FCRL3: variants seen among roughly 807,000 people sequenced by gnomAD.
FCRL3 encodes the protein Fc receptor-like protein 3.
FCRL3 carries 89 observed loss-of-function variants against 75.0 expected under a neutral mutation model. The ratio of observed to expected loss-of-function variants is 1.19; its 90% CI spans 1.00 to 1.42. The LOEUF (loss-of-function observed/expected upper bound fraction) is 1.42, where lower values mean the gene tolerates loss of function less well. Among genes scored for constraint, FCRL3 ranks in the 40% most tolerant of loss-of-function variants. The pLI, the probability that FCRL3 is intolerant of heterozygous loss-of-function variation, is 0.00. For missense variants in FCRL3, 946 were observed against 880.0 expected, an observed-to-expected ratio of 1.07 and a Z score of -0.95; for synonymous variants, 376 against 348.5, an observed-to-expected ratio of 1.08 and a Z score of -0.88.
rs1052057298 is a variant in FCRL3, at chr1:157,677,256, T to C, written c.*1454A>G. The C allele has an allele frequency of 1.0e-6, 1 of 999,734 alleles. No homozygotes were observed. The highest frequency in any genetic ancestry group is 1.2e-6 in the Non-Finnish European group (1 of 837,754). 61.9% of individuals were successfully genotyped at this position (999,734 alleles called of 1,614,324 possible). ...CTTCCATAGTGATGGAACCTAAGGGTAGCAGAGTTTATGGTGACCCTGTAG... is the reference window on the plus strand; with the variant it reads ...CTTCCATAGTGATGGAACCTAAGGGCAGCAGAGTTTATGGTGACCCTGTAG... On this transcript the variant is annotated 3_prime_UTR_variant, in exon 15 of 15. Coordinates refer to ENST00000368184, the MANE Select transcript of FCRL3 (RefSeq NM_052939.4).
At position 157,697,825 on chromosome 1, in the gene FCRL3, C is replaced by G. The variant is rs758387531; in HGVS notation, c.393G>C (p.Lys131Asn). 2 of 1,614,044 alleles carry G rather than the reference C, an allele frequency of 1.2e-6. No homozygotes were observed. The highest frequency in any genetic ancestry group is 4.5e-5 in the East Asian group (2 of 44,872). Residue 131 changes from lysine (K) to asparagine (N), a missense_variant, in exon 5 of 15, where the codon AAG (lysine) becomes AAC (asparagine). By Grantham distance (94) the Lys-to-Asn change is moderately conservative (BLOSUM62 0). Coordinates refer to ENST00000368184, the MANE Select transcript of FCRL3 (RefSeq NM_052939.4). ...QGKDNKNTHQ[K>N]VYYKDGKQLP... is the part of the protein sequence containing the mutation. ...GCTGTTTTCCATCCTTGTAGTAAAC[C>G]TTTTGATGAGTGTTTTTGTTGTCTT...
chr1:157,689,033 A>G (rs907130309), intron 10 of FCRL3, among the ~76,000 whole-genome samples: 18 of 152,234 alleles, frequency 1.2e-4, no homozygotes, highest in African/African-American at 4.3e-4. Context: ...CAGCATTGAA[A>G]AAAACCCATG....
intron 10 of FCRL3, among the ~76,000 whole-genome samples, chr1:157,683,629 C>T (rs1315596791): frequency 6.6e-6 from 1 of 152,180 alleles, no homozygotes; most frequent in African/African-American, 2.4e-5. Context: ...AAGGGATGCT[C>T]AAAATGGATA....
At chr1:157,691,542 C>T (rs1240813412) in intron 8 of FCRL3, among the ~76,000 whole-genome samples, 1 of 152,188 alleles carries the variant, frequency 6.6e-6, no homozygotes, top group Non-Finnish European at 1.5e-5. Context: ...ATAGCACCAG[C>T]TGCCTCATCA....
At chr1:157,690,196 T>C in intron 9 of FCRL3, 59 bp downstream of exon 9, 1 of 1,580,022 alleles carries the variant, frequency 6.3e-7, no homozygotes, top group Non-Finnish European at 8.6e-7. Context: ...GTACAATCTG[T>C]CAGATAACTA....
Position 157,676,700 on chromosome 1 carries a change from A to C in FCRL3, c.*2010T>G. 1 of 1,550,004 alleles carries C rather than the reference A, an allele frequency of 6.5e-7. No homozygotes were observed. The highest frequency in any genetic ancestry group is 8.7e-7 in the Non-Finnish European group (1 of 1,146,534). ...CCCCTTCTTCCACTCACATACTCTG[A>C]TTTGCACAGGGCTAAGTGTTACAAA... On this transcript the variant is annotated 3_prime_UTR_variant, in exon 15 of 15. Coordinates refer to ENST00000368184, the MANE Select transcript of FCRL3 (RefSeq NM_052939.4).
chr1:157,680,971 G>A lies in FCRL3; in HGVS notation c.1957+10C>T, dbSNP rs777690899. On this transcript the variant is annotated intron_variant, in intron 12 of 14. Coordinates refer to ENST00000368184, the MANE Select transcript of FCRL3 (RefSeq NM_052939.4). ...TCCCTAGAGCCTTCTGCCCCCTAGG[G>A]AGTCCTCACCATTGCTGTACATTGG... The A allele has an allele frequency of 6.4e-7, 1 of 1,569,984 alleles. No individual in the cohort carries two copies. Among genetic ancestry groups the A allele is most frequent in the African/African-American group, 1.4e-5 (1 of 73,274 alleles).
intron 13 of FCRL3, among the ~76,000 whole-genome samples, chr1:157,680,169 C>T (rs972508698): frequency 2.6e-5 from 4 of 152,086 alleles, no homozygotes; most frequent in Non-Finnish European, 5.9e-5. Context: ...GCCAAGAGTT[C>T]AGTATGGCTA....
At position 157,677,857 on chromosome 1, in the gene FCRL3, G is replaced by T; in HGVS notation, c.*853C>A. 1 of 704,556 alleles carries T rather than the reference G, an allele frequency of 1.4e-6. No homozygotes were observed. Among genetic ancestry groups the T allele is most frequent in the Non-Finnish European group, 1.7e-6 (1 of 574,154 alleles). 43.6% of individuals were successfully genotyped at this position (704,556 alleles called of 1,614,324 possible). On this transcript the variant is annotated 3_prime_UTR_variant, in exon 15 of 15. Transcript: ENST00000368184. ...GAGAGCATGGGAATAATGAACATGA[G>T]ATTTAGAATGGTTTTTTATCAGATG...
intron 9 of FCRL3, 50 bp downstream of exon 9, chr1:157,690,205 T>A: frequency 6.3e-7 from 1 of 1,589,852 alleles, no homozygotes; most frequent in Non-Finnish European, 8.6e-7. Flanking sequence ...GTCAGATAAC[T>A]ATTTTATTTA....
chr1:157,676,656 G>T lies in FCRL3; in HGVS notation c.*2054C>A. 1 of 1,455,740 alleles carries T rather than the reference G, an allele frequency of 6.9e-7. No homozygotes were observed. The highest frequency in any genetic ancestry group is 9.4e-7 in the Non-Finnish European group (1 of 1,062,030). The allele number at this position is 1,455,740 out of a possible 1,614,324, so 90.2% of individuals were successfully genotyped here. ...GAATTTGCACATTTGTTATATCCGA[G>T]ATGTACAGTTAGGACTCACCCCTTC... On this transcript the variant is annotated 3_prime_UTR_variant, in exon 15 of 15. Transcript: ENST00000368184.
At chr1:157,697,995 A>G in intron 4 of FCRL3, 76 bp from the exon 5 acceptor site, 4 of 1,520,448 alleles carry the variant, frequency 2.6e-6, no homozygotes, top group Non-Finnish European at 3.5e-6. Context: ...CCCATGAGGC[A>G]AGAGCCACAG....
Position 157,678,564 on chromosome 1 carries a change from A to G in FCRL3, c.*146T>C. ...AACACACAGATCAGGCACAGGGGAGATTTGCAGACCTTTTGCTCAGCCTCA... is the reference window on the plus strand; with the variant it reads ...AACACACAGATCAGGCACAGGGGAGGTTTGCAGACCTTTTGCTCAGCCTCA... On this transcript the variant is annotated 3_prime_UTR_variant, in exon 15 of 15. Coordinates refer to ENST00000368184, the MANE Select transcript of FCRL3 (RefSeq NM_052939.4). The G allele has an allele frequency of 6.7e-7, 1 of 1,495,600 alleles. No homozygotes were observed. The highest frequency in any genetic ancestry group is 1.4e-5 in the South Asian group (1 of 73,314). The allele number at this position is 1,495,600 out of a possible 1,614,324, so 92.6% of individuals were successfully genotyped here.
chr1:157,680,583 G>A, intron 13 of FCRL3, 119 bp downstream of exon 13: 1 of 756,654 alleles, frequency 1.3e-6, no homozygotes, highest in East Asian at 2.6e-5. Flanking sequence ...TGACACTATG[G>A]GAGGCAAGTA....
chr1:157,694,067 T>A (rs1655740387), intron 8 of FCRL3, among the ~76,000 whole-genome samples: 1 of 152,266 alleles, frequency 6.6e-6, no homozygotes, highest in African/African-American at 2.4e-5. Flanking sequence ...TAATTTCTAT[T>A]TTTTCTGTTT....
In FCRL3 at chr1:157,694,526, A is replaced by T. The variant is rs140573400; in HGVS notation, c.1411+803T>A. On this transcript the variant is annotated intron_variant, in intron 8 of 14. Transcript: ENST00000368184. ...GTTTGTGTGACTGGGAATTATTACC[A>T]TATCTCTCTTATTTTGCCATCTTCT... 4.6e-5 allele frequency among the ~76,000 whole-genome samples: 7 copies of T among 152,276 alleles called. No homozygotes were observed. The South Asian group carries it at 1.5e-3, about 32-fold the overall frequency.
intron 10 of FCRL3, among the ~76,000 whole-genome samples, chr1:157,685,957 C>T (rs1348828522): frequency 6.6e-6 from 1 of 151,912 alleles, no homozygotes; most frequent in African/African-American, 2.4e-5. Flanking sequence ...CAAGATAGTC[C>T]TGAAATTCCT....
At position 157,677,270 on chromosome 1, in the gene FCRL3, G is replaced by A. The variant is rs1654519514; in HGVS notation, c.*1440C>T. The A allele has an allele frequency of 2.0e-6, 2 of 996,776 alleles. No individual in the cohort carries two copies. Among genetic ancestry groups the A allele is most frequent in the African/African-American group, 1.7e-5 (1 of 57,634 alleles). The allele number at this position is 996,776 out of a possible 1,614,324, so 61.7% of individuals were successfully genotyped here. A position where few individuals can be genotyped will look rare whatever the true frequency, so the allele number is the denominator to read the frequency against. Reference sequence around the variant, plus strand: ...GAACCTAAGGGTAGCAGAGTTTATGGTGACCCTGTAGTGTATCTCCAGAAA... The same window carrying A: ...GAACCTAAGGGTAGCAGAGTTTATGATGACCCTGTAGTGTATCTCCAGAAA... On this transcript the variant is annotated 3_prime_UTR_variant, in exon 15 of 15. Coordinates refer to ENST00000368184, the MANE Select transcript of FCRL3 (RefSeq NM_052939.4).
At chr1:157,695,892 T>C in intron 7 of FCRL3, 148 bp downstream of exon 7, 1 of 603,166 alleles carries the variant, frequency 1.7e-6, no homozygotes. Context: ...AATATCTCTC[T>C]CTCTCTCTCT....
Sources: gnomAD v4.1 joint callset for allele counts (sites outside exome capture counted in the v4.1 genomes callset) on GRCh38, gnomAD v4.1.1 for gene constraint, MANE v1.5 for transcripts, NCBI Gene and HGNC (gene_info 2026-07-23, HGNC 2026-07-21) for gene names.